The following KHDRBS2 variants were observed in gnomAD, a reference collection of about 807,000 sequenced individuals.
KHDRBS2 encodes the protein KH domain-containing, RNA-binding, signal transduction-associated protein 2.
Under a neutral mutation model 44.3 loss-of-function variants are expected in KHDRBS2, and 26 were observed. That is an observed-to-expected ratio of 0.59 (90% CI 0.43 to 0.81). The LOEUF is 0.81. KHDRBS2 is among the 40% of genes least tolerant of loss of function. The pLI is 0.00. For missense variants in KHDRBS2, 476 were observed against 433.1 expected, an observed-to-expected ratio of 1.10 and a Z score of -0.88; for synonymous variants, 194 against 151.1, an observed-to-expected ratio of 1.28 and a Z score of -2.08.
chr6:61,779,934 G>GA (rs143770247), intron 6 of KHDRBS2, among the ~76,000 whole-genome samples: 24,991 of 148,662 alleles, frequency 0.17, 2,695 homozygotes, highest in South Asian at 0.3. Context: ...TCAAAATACT[G>GA]AAAAAAAAAA....
At chr6:62,253,500 T>C (rs1435273849) in intron 1 of KHDRBS2, among the ~76,000 whole-genome samples, 10 of 152,014 alleles carry the variant, frequency 6.6e-5, no homozygotes, top group East Asian at 1.9e-4. Flanking sequence ...TCCTCCTCTT[T>C]GGCCTTTTCT....
chr6:61,954,949 C>CAT (rs372903655), intron 4 of KHDRBS2, among the ~76,000 whole-genome samples: 1 of 66,362 alleles, frequency 1.5e-5, no homozygotes, highest in African/African-American at 3.8e-5. Flanking sequence ...TATGTGTATA[C>CAT]ATATATATGT....
At chr6:62,002,414 A>C (rs1378195126) in intron 3 of KHDRBS2, among the ~76,000 whole-genome samples, 1 of 151,852 alleles carries the variant, frequency 6.6e-6, no homozygotes, top group African/African-American at 2.4e-5. Context: ...ATATATTTTC[A>C]AATGTGTTCA....
chr6:61,557,357 A>G, the KHDRBS2 span, among the ~76,000 whole-genome samples: 4 of 152,232 alleles, frequency 2.6e-5, no homozygotes, highest in African/African-American at 9.6e-5. Context: ...AAAGCGAAAT[A>G]AAGTGTCCAG....
chr6:62,110,910 G>C (rs1804853225), intron 2 of KHDRBS2, among the ~76,000 whole-genome samples: 1 of 151,938 alleles, frequency 6.6e-6, no homozygotes, highest in African/African-American at 2.4e-5. Context: ...AAAAAGTAAA[G>C]TGGTAATTTA....
intron 6 of KHDRBS2, among the ~76,000 whole-genome samples, chr6:61,865,871 T>C (rs1797710042): frequency 6.6e-6 from 1 of 152,174 alleles, no homozygotes; most frequent in South Asian, 2.1e-4. Flanking sequence ...ATGATCTCCT[T>C]TGACTCTATG....
chr6:61,763,219 GTGTT>G (rs1406920662), intron 6 of KHDRBS2, among the ~76,000 whole-genome samples: 4 of 152,158 alleles, frequency 2.6e-5, no homozygotes, highest in South Asian at 2.1e-4. Context: ...GACAGTAAGG[GTGTT>G]TGTTTGATCA....
At chr6:62,141,997 A>T (rs1812922591) in intron 2 of KHDRBS2, among the ~76,000 whole-genome samples, 1 of 152,120 alleles carries the variant, frequency 6.6e-6, no homozygotes, top group Non-Finnish European at 1.5e-5. Context: ...AAAACTCACC[A>T]AAAGTAGAGG....
the KHDRBS2 span, among the ~76,000 whole-genome samples, chr6:61,554,798 T>C: frequency 3.3e-5 from 5 of 152,208 alleles, no homozygotes; most frequent in African/African-American, 9.6e-5. Flanking sequence ...AAATTCTTGG[T>C]CAGAAATTCT....
At chr6:61,817,230 A>T (rs1213054023) in intron 6 of KHDRBS2, among the ~76,000 whole-genome samples, 1 of 151,992 alleles carries the variant, frequency 6.6e-6, no homozygotes, top group African/African-American at 2.4e-5. Flanking sequence ...GTTTTTTAAA[A>T]AAGCACTTAT....
chr6:61,970,924 A>G (rs1275623592), intron 4 of KHDRBS2, among the ~76,000 whole-genome samples: 1 of 152,156 alleles, frequency 6.6e-6, no homozygotes, highest in Non-Finnish European at 1.5e-5. Context: ...AGAGTTTTGT[A>G]TTAGATTTGA....
chr6:61,647,430 TTATC>T, the KHDRBS2 span, among the ~76,000 whole-genome samples: 1 of 152,134 alleles, frequency 6.6e-6, no homozygotes, highest in South Asian at 2.1e-4. Context: ...TTATCTATAA[TTATC>T]TATAATTGTA....
intron 1 of KHDRBS2, among the ~76,000 whole-genome samples, chr6:62,183,845 C>T (rs1345853712): frequency 6.6e-6 from 1 of 151,616 alleles, no homozygotes; most frequent in Non-Finnish European, 1.5e-5. Context: ...GGTTGTAAAA[C>T]ACCTAACTTT....
In KHDRBS2 at chr6:62,270,190, G is replaced by A. The variant is rs532715176; in HGVS notation, c.91+15668C>T. Among the ~76,000 whole-genome samples the A allele has an allele frequency of 3.3e-5, 5 of 152,022 alleles. No individual in the cohort carries two copies. In the South Asian group the frequency reaches 1.0e-3, roughly 32 times the overall value. The stretch of plus-strand genomic sequence containing the variant: ...CCATGGGAGTGGATCCCTCATTAAT[G>A]GCTTGGTGCCTTTCCTACAGTAAAG... On this transcript the variant is annotated intron_variant, in intron 1 of 8. Transcript: ENST00000281156.
the KHDRBS2 span, among the ~76,000 whole-genome samples, chr6:61,662,430 GC>G: frequency 7.9e-5 from 12 of 151,774 alleles, no homozygotes; most frequent in African/African-American, 2.4e-4. Context: ...CTTCTGCACA[GC>G]AAAAGAAACT....
In KHDRBS2 at chr6:61,698,770, G is replaced by A. The variant is rs75094281; in HGVS notation, c.894-1517C>T. Reference sequence around the variant, plus strand: ...GGGCATGGCCTCCTAGATGTTCTCTGAACATTACAAACACATTACTGCCTC... The same window carrying A: ...GGGCATGGCCTCCTAGATGTTCTCTAAACATTACAAACACATTACTGCCTC... On this transcript the variant is annotated intron_variant, in intron 7 of 8. Coordinates refer to ENST00000281156, the MANE Select transcript of KHDRBS2 (RefSeq NM_152688.4). Among the ~76,000 whole-genome samples, 1,307 of 151,980 alleles carry A rather than the reference G, an allele frequency of 8.6e-3. 9 individuals are homozygous for A. The highest frequency in any genetic ancestry group is 0.01 in the Middle Eastern group (3 of 294).
At chr6:61,718,123 C>T (rs2127553945) in intron 7 of KHDRBS2, among the ~76,000 whole-genome samples, 1 of 152,144 alleles carries the variant, frequency 6.6e-6, no homozygotes, top group Admixed American at 6.6e-5. Flanking sequence ...CCTCCCAACA[C>T]TTAGCGTAGC....
intron 6 of KHDRBS2, among the ~76,000 whole-genome samples, chr6:61,775,293 G>T (rs1484458759): frequency 6.6e-6 from 1 of 151,954 alleles, no homozygotes; most frequent in Non-Finnish European, 1.5e-5. Flanking sequence ...TCTGGCCAGG[G>T]CAATCAAGCA....
the KHDRBS2 span, among the ~76,000 whole-genome samples, chr6:61,672,015 G>A: frequency 6.7e-6 from 1 of 150,036 alleles, no homozygotes; most frequent in South Asian, 2.1e-4. Flanking sequence ...CCCCACAACA[G>A]TCCCCAGAGT....
Sources: gnomAD v4.1 joint callset for allele counts (sites outside exome capture counted in the v4.1 genomes callset) on GRCh38, gnomAD v4.1.1 for gene constraint, MANE v1.5 for transcripts, NCBI Gene and HGNC (gene_info 2026-07-23, HGNC 2026-07-21) for gene names.